Variants in HCN1 observed in about 807,000 individuals in gnomAD.
The protein encoded by HCN1 is hyperpolarization activated cyclic nucleotide gated potassium channel 1.
A neutral mutation model predicts 78.9 loss-of-function variants in HCN1; 13 were observed. That is an observed-to-expected ratio of 0.16 (90% CI 0.11 to 0.26). The LOEUF (loss-of-function observed/expected upper bound fraction) is 0.26. Among genes scored for constraint, HCN1 ranks in the 10% least tolerant of loss-of-function variants. The probability of loss-of-function intolerance (pLI) is 1.00; values close to 1 mark genes in which losing one functional copy is unlikely to be tolerated. For synonymous variants in HCN1, 552 were observed against 455.5 expected (o/e 1.21, Z -2.70); for missense variants, 810 against 1,154.3 (o/e 0.70, Z 4.32).
At chr5:45,557,290 C>T (rs1743489463) in intron 2 of HCN1, among the ~76,000 whole-genome samples, 2 of 152,030 alleles carry the variant, frequency 1.3e-5, no homozygotes, top group Non-Finnish European at 1.5e-5. Flanking sequence ...AAATTCTCAA[C>T]GGTTCTCGTC....
At chr5:45,630,965 G>A (rs1745260624) in intron 2 of HCN1, among the ~76,000 whole-genome samples, 1 of 152,014 alleles carries the variant, frequency 6.6e-6, no homozygotes, top group Non-Finnish European at 1.5e-5. Flanking sequence ...CAATTAATGG[G>A]TCATACAGGA....
At position 45,255,316 on chromosome 5, in the gene HCN1, T is replaced by G. The variant is rs768513180; in HGVS notation, c.*6605A>C. The stretch of plus-strand genomic sequence containing the variant: ...TGTTGACTTGTCATCTCCAGAAATG[T>G]CTTCACACTTGGAAGTTCCCTTAAA... On this transcript the variant is annotated 3_prime_UTR_variant, in exon 8 of 8. Coordinates refer to ENST00000303230, the MANE Select transcript of HCN1 (RefSeq NM_021072.4). 2 of 152,224 alleles carry G rather than the reference T, an allele frequency of 1.3e-5. No individual in the cohort carries two copies. Among genetic ancestry groups the G allele is most frequent in the Non-Finnish European group, 2.9e-5 (2 of 68,044 alleles). 9.4% of individuals were successfully genotyped at this position (152,224 alleles called of 1,614,324 possible).
intron 3 of HCN1, among the ~76,000 whole-genome samples, chr5:45,434,736 T>A (rs890552798): frequency 2.6e-5 from 4 of 152,198 alleles, no homozygotes; most frequent in African/African-American, 9.6e-5. Context: ...ATATGCCAGA[T>A]ATGCTAAGCA....
At chr5:45,514,168 A>G (rs1579942311) in intron 2 of HCN1, among the ~76,000 whole-genome samples, 1 of 152,146 alleles carries the variant, frequency 6.6e-6, no homozygotes, top group African/African-American at 2.4e-5. Context: ...TCTGAGTTTA[A>G]AAAAGCCATA....
chr5:45,297,801 A>G (rs1213368732), intron 6 of HCN1, among the ~76,000 whole-genome samples: 1 of 152,122 alleles, frequency 6.6e-6, no homozygotes, highest in Non-Finnish European at 1.5e-5. Context: ...TTCAACATTT[A>G]AAATTAAAAT....
chr5:45,364,359 C>G (rs1747190051), intron 4 of HCN1, among the ~76,000 whole-genome samples: 1 of 152,058 alleles, frequency 6.6e-6, no homozygotes. Context: ...TCCCTTTAAA[C>G]ATCTACCCTT....
chr5:45,494,725 G>A (rs970557364), intron 2 of HCN1, among the ~76,000 whole-genome samples: 1 of 152,052 alleles, frequency 6.6e-6, no homozygotes, highest in Non-Finnish European at 1.5e-5. Flanking sequence ...GGGTTTTTAT[G>A]GTTTTAGGTC....
At chr5:45,312,932 C>T (rs1232087852) in intron 5 of HCN1, among the ~76,000 whole-genome samples, 2 of 152,192 alleles carry the variant, frequency 1.3e-5, no homozygotes, top group African/African-American at 4.8e-5. Flanking sequence ...TAGACTCCAC[C>T]TCTGGGGGCA....
intron 5 of HCN1, among the ~76,000 whole-genome samples, chr5:45,349,551 C>CA (rs1229124056): frequency 6.6e-6 from 1 of 151,936 alleles, no homozygotes; most frequent in Non-Finnish European, 1.5e-5. Flanking sequence ...AATAGAGACA[C>CA]AAAAAACCCT....
chr5:45,439,736 T>C (rs1740634194), intron 3 of HCN1, among the ~76,000 whole-genome samples: 1 of 152,006 alleles, frequency 6.6e-6, no homozygotes, highest in South Asian at 2.1e-4. Context: ...ATTTTTATAA[T>C]TGTAGTAGCA....
rs1396029717 is a variant in HCN1, at chr5:45,372,260, TA to T, written c.1231-19015del. Among the ~76,000 whole-genome samples, 5 of 82,676 alleles carry T rather than the reference TA, an allele frequency of 6.0e-5. No individual in the cohort carries two copies. In the East Asian group the frequency reaches 1.9e-3, roughly 31 times the overall value. The allele number at this position is 82,676 out of a possible 152,430, so 54.2% of individuals were successfully genotyped here. A position where few individuals can be genotyped will look rare whatever the true frequency, so the allele number is the denominator to read the frequency against. ...TTATATTTTATATATAATATATATT[TA>T]TATATATATTTATATATATAATATA... On this transcript the variant is annotated intron_variant, in intron 4 of 7. Transcript: ENST00000303230.
chr5:45,382,440 G>A (rs1273232557), intron 4 of HCN1, among the ~76,000 whole-genome samples: 2 of 151,966 alleles, frequency 1.3e-5, no homozygotes, highest in Non-Finnish European at 2.9e-5. Flanking sequence ...TGAATTAACT[G>A]GATAACTCTC....
chr5:45,453,642 G>T (rs1048055823), intron 3 of HCN1, among the ~76,000 whole-genome samples: 1 of 152,084 alleles, frequency 6.6e-6, no homozygotes, highest in Non-Finnish European at 1.5e-5. Flanking sequence ...AATCCAAGGG[G>T]AAATATGGAT....
At chr5:45,461,255 A>G (rs954822974) in intron 3 of HCN1, among the ~76,000 whole-genome samples, 2 of 152,086 alleles carry the variant, frequency 1.3e-5, no homozygotes, top group Non-Finnish European at 2.9e-5. Flanking sequence ...AGGAATATAC[A>G]TAGCTATTTA....
intron 2 of HCN1, among the ~76,000 whole-genome samples, chr5:45,541,458 T>C (rs1743106403): frequency 6.6e-6 from 1 of 152,212 alleles, no homozygotes; most frequent in Non-Finnish European, 1.5e-5. Context: ...TCCTTAAAGA[T>C]GCCTTCTATG....
At chr5:45,495,091 T>A (rs1312241245) in intron 2 of HCN1, among the ~76,000 whole-genome samples, 20 of 143,352 alleles carry the variant, frequency 1.4e-4, no homozygotes, top group South Asian at 1.2e-3. Context: ...GGGCTCTTTT[T>A]TGGTTCCATA....
chr5:45,342,908 A>T (rs1426178775), intron 5 of HCN1, among the ~76,000 whole-genome samples: 1 of 152,186 alleles, frequency 6.6e-6, no homozygotes, highest in Non-Finnish European at 1.5e-5. Context: ...CAAATATGAA[A>T]AAATAATAAT....
At chr5:45,308,039 A>G (rs920152254) in intron 5 of HCN1, among the ~76,000 whole-genome samples, 2 of 152,076 alleles carry the variant, frequency 1.3e-5, no homozygotes, top group Non-Finnish European at 2.9e-5. Flanking sequence ...ATGGGGGAGA[A>G]GAACCCACAT....
intron 6 of HCN1, among the ~76,000 whole-genome samples, chr5:45,278,805 G>T (rs1745110446): frequency 6.6e-6 from 1 of 151,984 alleles, no homozygotes; most frequent in Non-Finnish European, 1.5e-5. Context: ...TGGAAAAGAG[G>T]CTTGTTTTGA....
Sources: allele counts gnomAD v4.1 joint callset (sites outside exome capture counted in the v4.1 genomes callset), GRCh38; gene constraint gnomAD v4.1.1; transcripts MANE v1.5; gene names NCBI Gene and HGNC (gene_info 2026-07-23, HGNC 2026-07-21).